Variants in NBAS observed in about 807,000 individuals in gnomAD.
NBAS encodes the protein NBAS subunit of NRZ tethering complex, also known as NAG/BC035112 fusion.
A neutral mutation model predicts 302.5 loss-of-function variants in NBAS; 219 were observed. The ratio of observed to expected loss-of-function variants is 0.72; its 90% CI spans 0.65 to 0.81. NBAS has a LOEUF of 0.81. Among genes scored for constraint, NBAS ranks in the 30% least tolerant of loss-of-function variants. The probability of loss-of-function intolerance (pLI) is 0.00; values close to 1 mark genes in which losing one functional copy is unlikely to be tolerated. For synonymous variants in NBAS, 1,118 were observed against 1,021.6 expected, an observed-to-expected ratio of 1.09 and a Z score of -1.80; for missense variants, 2,932 against 2,841.6, an observed-to-expected ratio of 1.03 and a Z score of -0.72.
At chr2:15,260,433 TCCTGGTTAATTC>T (rs1165957226) in intron 44 of NBAS, among the ~76,000 whole-genome samples, 1 of 152,106 alleles carries the variant, frequency 6.6e-6, no homozygotes, top group East Asian at 1.9e-4. Context: ...CATGAGCATT[TCCTGGTTAATTC>T]TAATAGCAAA....
chr2:14,812,693 A>G, the NBAS span, among the ~76,000 whole-genome samples: 11 of 152,344 alleles, frequency 7.2e-5, no homozygotes, highest in South Asian at 2.3e-3. Context: ...TTATTTCTGC[A>G]GTAGAAATAA....
chr2:15,157,981 G>A, the NBAS span, among the ~76,000 whole-genome samples: 2 of 152,088 alleles, frequency 1.3e-5, no homozygotes, highest in Non-Finnish European at 2.9e-5. Context: ...TCCTAGTCCC[G>A]GGCTCTGGCC....
At chr2:14,911,369 C>T in the NBAS span, among the ~76,000 whole-genome samples, 15 of 152,320 alleles carry the variant, frequency 9.8e-5, no homozygotes, top group Middle Eastern at 3.4e-3. Context: ...GTGATCCTTC[C>T]ACCTTCTGAC....
At chr2:14,834,995 G>A in the NBAS span, among the ~76,000 whole-genome samples, 1 of 152,028 alleles carries the variant, frequency 6.6e-6, no homozygotes, top group East Asian at 1.9e-4. Context: ...AAATGAACAG[G>A]AGGAATAAGC....
chr2:15,260,229 A>G (rs867000200), intron 44 of NBAS, among the ~76,000 whole-genome samples: 31 of 152,192 alleles, frequency 2.0e-4, no homozygotes, highest in African/African-American at 7.0e-4. Context: ...TAATTTAGCT[A>G]CATGAGTAAA....
intron 28 of NBAS, among the ~76,000 whole-genome samples, chr2:15,394,018 A>G (rs1675743227): frequency 6.6e-6 from 1 of 152,122 alleles, no homozygotes; most frequent in Non-Finnish European, 1.5e-5. Context: ...AAAAACTTTC[A>G]GGGGTACTGG....
the NBAS span, among the ~76,000 whole-genome samples, chr2:14,893,612 C>G: frequency 6.6e-6 from 1 of 152,104 alleles, no homozygotes; most frequent in Non-Finnish European, 1.5e-5. Flanking sequence ...CTCCTGGAAC[C>G]CTTCCTTCAT....
chr2:15,414,545 A>C (rs1314352890), intron 25 of NBAS, among the ~76,000 whole-genome samples: 1 of 152,266 alleles, frequency 6.6e-6, no homozygotes, highest in Non-Finnish European at 1.5e-5. Context: ...TACACTTAAC[A>C]AAATGACTAT....
the NBAS span, among the ~76,000 whole-genome samples, chr2:15,145,401 ATG>A: frequency 0.15 from 22,691 of 148,086 alleles, 2,284 homozygotes; most frequent in East Asian, 0.4. Context: ...GTTTGTTTGT[ATG>A]TGTGTGTGTG....
At chr2:15,295,391 A>C (rs1670501627) in intron 40 of NBAS, among the ~76,000 whole-genome samples, 2 of 152,356 alleles carry the variant, frequency 1.3e-5, no homozygotes, top group South Asian at 2.1e-4. Context: ...ATGACACAGC[A>C]CAGTGAAATA....
chr2:15,507,712 G>A (rs1661938958), intron 10 of NBAS, among the ~76,000 whole-genome samples: 1 of 152,174 alleles, frequency 6.6e-6, no homozygotes, highest in Non-Finnish European at 1.5e-5. Context: ...GCACTTATTT[G>A]AGACATAGCT....
intron 44 of NBAS, among the ~76,000 whole-genome samples, chr2:15,274,502 T>G (rs1669478163): frequency 6.6e-6 from 1 of 152,096 alleles, no homozygotes; most frequent in Non-Finnish European, 1.5e-5. Flanking sequence ...TGCTAAGATT[T>G]TCCAGGAGAG....
chr2:15,351,068 A>C (rs1202371923), intron 35 of NBAS, among the ~76,000 whole-genome samples: 1 of 152,198 alleles, frequency 6.6e-6, no homozygotes, highest in Non-Finnish European at 1.5e-5. Flanking sequence ...TAGTCACCAA[A>C]ATTGAAAACA....
intron 44 of NBAS, among the ~76,000 whole-genome samples, chr2:15,249,169 T>G (rs961273797): frequency 6.6e-6 from 1 of 152,026 alleles, no homozygotes; most frequent in African/African-American, 2.4e-5. Context: ...CATACTCAAA[T>G]CAATAAACGT....
intron 38 of NBAS, among the ~76,000 whole-genome samples, chr2:15,311,578 C>T (rs1363249926): frequency 1.3e-5 from 2 of 152,168 alleles, no homozygotes; most frequent in Non-Finnish European, 1.5e-5. Flanking sequence ...TTAACAATTG[C>T]ATTTAAGCAT....
intron 31 of NBAS, 33 bp from the exon 32 acceptor site, chr2:15,366,726 C>A: frequency 6.9e-6 from 11 of 1,595,174 alleles, no homozygotes; most frequent in Non-Finnish European, 9.5e-6. Context: ...AGACTTGGAC[C>A]AGGGACATCA....
intron 7 of NBAS, 59 bp from the exon 8 acceptor site, chr2:15,536,610 C>T (rs1169749560): frequency 1.4e-6 from 2 of 1,415,914 alleles, no homozygotes; most frequent in Non-Finnish European, 2.0e-6. Context: ...AAAGTTAACA[C>T]ATGCATAATT....
chr2:15,046,228 G>T, the NBAS span, among the ~76,000 whole-genome samples: 2 of 152,144 alleles, frequency 1.3e-5, no homozygotes, highest in Non-Finnish European at 2.9e-5. Context: ...ACATCCTGGG[G>T]TGGAAGCTGG....
chr2:14,895,643 G>C, the NBAS span, among the ~76,000 whole-genome samples: 2 of 152,232 alleles, frequency 1.3e-5, no homozygotes, highest in South Asian at 4.1e-4. Context: ...GGGAGGCTGA[G>C]GCAGGAGAAT....
Sources: allele counts gnomAD v4.1 joint callset (sites outside exome capture counted in the v4.1 genomes callset), GRCh38; gene constraint gnomAD v4.1.1; transcripts MANE v1.5; gene names NCBI Gene and HGNC (gene_info 2026-07-23, HGNC 2026-07-21).